Variants in FHIT observed in about 807,000 individuals in gnomAD.
FHIT encodes the protein fragile histidine triad diadenosine triphosphatase.
FHIT carries 19 observed loss-of-function variants against 17.9 expected under a neutral mutation model. The ratio of observed to expected loss-of-function variants is 1.06; its 90% confidence interval spans 0.74 to 1.56. FHIT has a LOEUF of 1.56. Ranked by LOEUF, FHIT falls within the 40% of genes most tolerant of loss-of-function variation. FHIT has a pLI of 0.00. For synonymous variants in FHIT, 81 were observed against 69.7 expected (o/e 1.16, Z -0.81); for missense variants, 248 against 189.2 (o/e 1.31, Z -1.82).
At chr3:60,776,685 A>T (rs1191565180) in intron 4 of FHIT, among the ~76,000 whole-genome samples, 2 of 152,222 alleles carry the variant, frequency 1.3e-5, no homozygotes, top group Non-Finnish European at 2.9e-5. Flanking sequence ...AAGCAACTTA[A>T]CAAGTTTTAG....
chr3:60,172,135 C>T (rs770879915), intron 5 of FHIT, among the ~76,000 whole-genome samples: 16 of 152,124 alleles, frequency 1.1e-4, no homozygotes, highest in Non-Finnish European at 2.2e-4. Context: ...GCGCATGGCT[C>T]TTCAAATACA....
At chr3:60,963,269 G>T (rs1575762316) in intron 3 of FHIT, among the ~76,000 whole-genome samples, 1 of 152,228 alleles carries the variant, frequency 6.6e-6, no homozygotes, top group Non-Finnish European at 1.5e-5. Flanking sequence ...TGGGATCAGT[G>T]GTGATATCCC....
chr3:61,224,884 A>G (rs1576258077), intron 1 of FHIT, among the ~76,000 whole-genome samples: 1 of 152,356 alleles, frequency 6.6e-6, no homozygotes, highest in Non-Finnish European at 1.5e-5. Flanking sequence ...ATATACATAC[A>G]TTAATTATAG....
chr3:59,954,413 T>C (rs888023929), intron 7 of FHIT, among the ~76,000 whole-genome samples: 2 of 152,032 alleles, frequency 1.3e-5, no homozygotes, highest in African/African-American at 4.8e-5. Flanking sequence ...AGAGACACAA[T>C]GAAGAAAAAA....
rs564366508 is a variant in FHIT, at chr3:60,786,124, A to T, written c.-18+35795T>A. ...TTAAAAGCCTAATTTTTAGAAATTGATAGTAAAAAATGAGACAGCCCTGGG... is the reference window on the plus strand; with the variant it reads ...TTAAAAGCCTAATTTTTAGAAATTGTTAGTAAAAAATGAGACAGCCCTGGG... On this transcript the variant is annotated intron_variant, in intron 4 of 9. Coordinates refer to ENST00000492590, the MANE Select transcript of FHIT (RefSeq NM_002012.4). Among the ~76,000 whole-genome samples, 20 of 152,348 alleles carry T rather than the reference A, an allele frequency of 1.3e-4. No individual in the cohort carries two copies. The South Asian group carries it at 4.1e-3, about 32-fold the overall frequency.
intron 4 of FHIT, among the ~76,000 whole-genome samples, chr3:60,762,054 G>A (rs780522299): frequency 6.6e-6 from 1 of 152,016 alleles, no homozygotes; most frequent in Non-Finnish European, 1.5e-5. Flanking sequence ...TAACATAAAG[G>A]GCAGTCCAAT....
chr3:59,788,881 G>GTTTTCTTTTTTTTTTTTTT (rs1553677013), intron 8 of FHIT, among the ~76,000 whole-genome samples: 1 of 86,804 alleles, frequency 1.2e-5, no homozygotes. Flanking sequence ...GAGTTCATAT[G>GTTTTCTTTTTTTTTTTTTT]TTTTTTTTTT....
chr3:60,132,481 A>G (rs1385754500), intron 5 of FHIT, among the ~76,000 whole-genome samples: 1 of 152,202 alleles, frequency 6.6e-6, no homozygotes, highest in African/African-American at 2.4e-5. Flanking sequence ...AGTTAATGGT[A>G]TTGGCAAACA....
At chr3:60,900,034 C>T (rs147576677) in intron 3 of FHIT, among the ~76,000 whole-genome samples, 147 of 152,270 alleles carry the variant, frequency 9.7e-4, no homozygotes, top group African/African-American at 3.3e-3. Flanking sequence ...GCTCAAAGCT[C>T]AGGGAAACCT....
chr3:60,066,748 G>A (rs1055733470), intron 5 of FHIT, among the ~76,000 whole-genome samples: 14 of 138,296 alleles, frequency 1.0e-4, no homozygotes, highest in African/African-American at 1.9e-4. Context: ...GCTCCGCCTC[G>A]CGGGTTCACG....
intron 7 of FHIT, among the ~76,000 whole-genome samples, chr3:60,007,023 C>T (rs1039991447): frequency 6.6e-6 from 1 of 152,198 alleles, no homozygotes; most frequent in Non-Finnish European, 1.5e-5. Context: ...TGCGTTAATA[C>T]TATAAAATTA....
intron 3 of FHIT, among the ~76,000 whole-genome samples, chr3:60,998,617 T>C (rs1300829506): frequency 1.3e-5 from 2 of 152,218 alleles, no homozygotes; most frequent in South Asian, 2.1e-4. Context: ...ATACATTTTT[T>C]CCACAAAGAA....
At chr3:60,564,571 C>T (rs1309290022) in intron 4 of FHIT, among the ~76,000 whole-genome samples, 1 of 152,120 alleles carries the variant, frequency 6.6e-6, no homozygotes, top group African/African-American at 2.4e-5. Context: ...GGGAGGTCAA[C>T]ATGAACATAG....
At chr3:60,496,759 C>T (rs1187326291) in intron 5 of FHIT, among the ~76,000 whole-genome samples, 1 of 152,050 alleles carries the variant, frequency 6.6e-6, no homozygotes, top group African/African-American at 2.4e-5. Flanking sequence ...ATTAATTTGT[C>T]TTCCACTCAG....
At chr3:61,220,702 C>T (rs149457108) in intron 1 of FHIT, among the ~76,000 whole-genome samples, 3 of 152,208 alleles carry the variant, frequency 2.0e-5, no homozygotes, top group South Asian at 2.1e-4. Flanking sequence ...ACATATACTC[C>T]GTAAAATTTC....
intron 4 of FHIT, among the ~76,000 whole-genome samples, chr3:60,623,657 G>A (rs369774077): frequency 2.0e-5 from 3 of 152,322 alleles, no homozygotes; most frequent in East Asian, 3.9e-4. Flanking sequence ...AGTTAAAGCA[G>A]AAGGAACAGC....
At chr3:59,771,720 G>T (rs966172578) in intron 8 of FHIT, among the ~76,000 whole-genome samples, 2 of 152,142 alleles carry the variant, frequency 1.3e-5, no homozygotes, top group African/African-American at 4.8e-5. Flanking sequence ...TGTCTGTGGG[G>T]AACGTGCACA....
intron 2 of FHIT, among the ~76,000 whole-genome samples, chr3:61,177,026 A>T (rs1414396815): frequency 6.6e-6 from 1 of 152,030 alleles, no homozygotes; most frequent in East Asian, 1.9e-4. Context: ...ATACAAAATA[A>T]ATTAGCCAGG....
intron 2 of FHIT, among the ~76,000 whole-genome samples, chr3:61,050,144 G>A (rs190296132): frequency 9.5e-4 from 145 of 152,134 alleles, no homozygotes; most frequent in Non-Finnish European, 1.7e-3. Flanking sequence ...TAAATAAATC[G>A]GTTTGCTTTT....
Sources: gnomAD v4.1 joint callset for allele counts (sites outside exome capture counted in the v4.1 genomes callset) on GRCh38, gnomAD v4.1.1 for gene constraint, MANE v1.5 for transcripts, NCBI Gene and HGNC (gene_info 2026-07-23, HGNC 2026-07-21) for gene names.